The following FCHO2 variants were observed in gnomAD, a reference collection of about 807,000 sequenced individuals.
FCHO2 encodes FCH and mu domain containing endocytic adaptor 2, also known as F-BAR domain only protein 2.
Under a neutral mutation model 114.1 loss-of-function variants are expected in FCHO2, and 43 were observed. That is an observed-to-expected ratio of 0.38 (90% CI 0.30 to 0.49). FCHO2 has a LOEUF of 0.49. FCHO2 is among the 20% of genes least tolerant of loss of function. The pLI, the probability that FCHO2 is intolerant of heterozygous loss-of-function variation, is 0.97. For missense variants in FCHO2, 807 were observed against 950.4 expected (o/e 0.85, Z 1.98); for synonymous variants, 293 against 315.2 (o/e 0.93, Z 0.75).
intron 8 of FCHO2, among the ~76,000 whole-genome samples, chr5:73,030,393 C>T (rs1480450772): frequency 6.6e-6 from 1 of 152,166 alleles, no homozygotes; most frequent in East Asian, 1.9e-4. Flanking sequence ...TTTAAAACTC[C>T]TCAGCTGATT....
chr5:72,961,479 C>T (rs969332362), intron 1 of FCHO2, among the ~76,000 whole-genome samples: 1 of 152,006 alleles, frequency 6.6e-6, no homozygotes, highest in Non-Finnish European at 1.5e-5. Context: ...TTACTTTATA[C>T]ATTAAGAGAT....
At chr5:73,019,881 T>C (rs570278898) in intron 8 of FCHO2, among the ~76,000 whole-genome samples, 3 of 152,270 alleles carry the variant, frequency 2.0e-5, no homozygotes, top group Non-Finnish European at 4.4e-5. Context: ...AGGAGCCATG[T>C]AGGTAAAAGT....
At chr5:72,998,570 A>G (rs1470804823) in intron 5 of FCHO2, among the ~76,000 whole-genome samples, 1 of 151,988 alleles carries the variant, frequency 6.6e-6, no homozygotes, top group Non-Finnish European at 1.5e-5. Context: ...GTGAATTGGT[A>G]TGGGTTTCAT....
At chr5:73,007,985 A>G (rs1172979639) in intron 6 of FCHO2, among the ~76,000 whole-genome samples, 1 of 152,152 alleles carries the variant, frequency 6.6e-6, no homozygotes, top group Non-Finnish European at 1.5e-5. Flanking sequence ...ATGAGTATGA[A>G]GGCCCAGAGG....
At position 72,986,093 on chromosome 5, in the gene FCHO2, A is replaced by G. The variant is rs573717753; in HGVS notation, c.126-3334A>G. Among the ~76,000 whole-genome samples the G allele has an allele frequency of 2.6e-5, 4 of 152,096 alleles. No individual in the cohort carries two copies. In the South Asian group the frequency reaches 8.3e-4, roughly 32 times the overall value. On this transcript the variant is annotated intron_variant, in intron 2 of 25. Transcript: ENST00000430046. Reference sequence around the variant, plus strand: ...ATTCTCATCTATCTTTTAATTAACTAGATCTCTTTATTTTTTAAATTTTCC... The same window carrying G: ...ATTCTCATCTATCTTTTAATTAACTGGATCTCTTTATTTTTTAAATTTTCC...
At chr5:72,968,685 ATAAAG>A in intron 2 of FCHO2, 96 bp downstream of exon 2, 1 of 867,416 alleles carries the variant, frequency 1.2e-6, no homozygotes, top group Non-Finnish European at 1.7e-6. Context: ...TGGATTTGGA[ATAAAG>A]TAATTGTTTT....
At chr5:73,074,695 T>G (rs1201386326) in intron 19 of FCHO2, 47 bp from the exon 20 acceptor site, 1 of 1,516,738 alleles carries the variant, frequency 6.6e-7, no homozygotes. Context: ...TGATATTTAA[T>G]TTATGTCTTT....
At chr5:73,037,328 G>A in intron 10 of FCHO2, 113 bp downstream of exon 10, 6 of 595,706 alleles carry the variant, frequency 1.0e-5, no homozygotes, top group Non-Finnish European at 1.1e-5. Context: ...AAGTATATGT[G>A]TAAGGTGTGA....
intron 3 of FCHO2, among the ~76,000 whole-genome samples, chr5:72,990,168 A>T (rs1257159055): frequency 6.6e-6 from 1 of 151,996 alleles, no homozygotes; most frequent in Non-Finnish European, 1.5e-5. Context: ...ATAGACAGTG[A>T]TAGAAAGGCT....
intron 2 of FCHO2, among the ~76,000 whole-genome samples, chr5:72,987,247 T>C (rs1161545927): frequency 1.3e-5 from 2 of 152,006 alleles, no homozygotes; most frequent in African/African-American, 4.8e-5. Context: ...TGAGGTCAGG[T>C]GTGGAATTTT....
chr5:73,082,260 C>CTT (rs11427541), intron 23 of FCHO2, among the ~76,000 whole-genome samples: 2,650 of 140,262 alleles, frequency 0.019, 44 homozygotes, highest in African/African-American at 0.037. Context: ...CTCTAAACTT[C>CTT]TTTTTTTTTT....
At chr5:73,013,673 C>T (rs1003404206) in intron 6 of FCHO2, among the ~76,000 whole-genome samples, 1 of 151,982 alleles carries the variant, frequency 6.6e-6, no homozygotes, top group African/African-American at 2.4e-5. Context: ...CTCAGACCTT[C>T]TTTTTTTTCT....
At position 73,077,358 on chromosome 5, in the gene FCHO2, G is replaced by C; in HGVS notation, c.1712G>C (p.Gly571Ala). 1 of 1,581,808 alleles carries C rather than the reference G, an allele frequency of 6.3e-7. No individual in the cohort carries two copies. Residue 571 changes from glycine (G) to alanine (A), a missense_variant, in exon 21 of 26, where the codon GGT becomes GCT. Gly to Ala is a moderately conservative substitution (Grantham distance 60). Coordinates refer to ENST00000430046, the MANE Select transcript of FCHO2 (RefSeq NM_138782.3). The stretch of plus-strand genomic sequence containing the variant: ...TTTAGGTGTATTGTGAAGATCACTG[G>C]TGATATGACAATGTCATTTCCAAGT... ...DPTKCIVKIT[G>A]DMTMSFPSGI...
intron 16 of FCHO2, among the ~76,000 whole-genome samples, chr5:73,058,161 C>T (rs944768160): frequency 6.6e-6 from 1 of 151,890 alleles, no homozygotes; most frequent in Non-Finnish European, 1.5e-5. Flanking sequence ...CATGCACCAC[C>T]AAGCCAGGCT....
chr5:72,990,839 G>T lies in FCHO2; in HGVS notation c.470G>T (p.Gly157Val), dbSNP rs1753773247. Reference sequence around the variant, plus strand: ...GAACAGGAGCGTTTGAAAAAGGAAGGAGCTACACAAAGAGAAATAGAAAAG... The same window carrying T: ...GAACAGGAGCGTTTGAAAAAGGAAGTAGCTACACAAAGAGAAATAGAAAAG... ...CVEQERLKKE[G>V]ATQREIEKAA... Residue 157 changes from glycine (G) to valine (V), a missense_variant, in exon 5 of 26, where the codon GGA (glycine) becomes GTA (valine). Transcript: ENST00000430046. 4 of 1,546,196 alleles carry T rather than the reference G, an allele frequency of 2.6e-6. No homozygotes were observed. The highest frequency in any genetic ancestry group is 3.5e-6 in the Non-Finnish European group (4 of 1,145,636).
intron 17 of FCHO2, among the ~76,000 whole-genome samples, chr5:73,061,350 T>C (rs1355336007): frequency 6.6e-6 from 1 of 152,250 alleles, no homozygotes; most frequent in East Asian, 1.9e-4. Flanking sequence ...TATGCTCTTC[T>C]TCCGTGTATT....
intron 8 of FCHO2, 186 bp from the exon 9 acceptor site, chr5:73,034,471 T>C (rs1049777926): frequency 6.1e-6 from 3 of 492,840 alleles, no homozygotes; most frequent in African/African-American, 4.0e-5. Context: ...GTTAGAATTA[T>C]TTGATTTTTA....
intron 17 of FCHO2, among the ~76,000 whole-genome samples, chr5:73,062,983 T>C (rs959098220): frequency 3.9e-5 from 6 of 152,148 alleles, no homozygotes; most frequent in African/African-American, 1.4e-4. Flanking sequence ...TATTTTAGTG[T>C]GAGCCAAAGG....
chr5:72,989,003 A>G (rs1344942171), intron 2 of FCHO2, among the ~76,000 whole-genome samples: 1 of 152,072 alleles, frequency 6.6e-6, no homozygotes, highest in Non-Finnish European at 1.5e-5. Flanking sequence ...GAGCCCTGGA[A>G]TTCCAGATTA....
Sources: gnomAD v4.1 joint callset for allele counts (sites outside exome capture counted in the v4.1 genomes callset) on GRCh38, gnomAD v4.1.1 for gene constraint, MANE v1.5 for transcripts, NCBI Gene and HGNC (gene_info 2026-07-23, HGNC 2026-07-21) for gene names.